Variants in PML observed in about 807,000 individuals in gnomAD.
PML encodes PML nuclear body scaffold.
In PML, 28 loss-of-function variants were observed where a neutral mutation model predicts 65.2. That is an observed-to-expected ratio of 0.43 (90% CI 0.32 to 0.59). The LOEUF (loss-of-function observed/expected upper bound fraction) is 0.59, where lower values mean the gene tolerates loss of function less well. Ranked by LOEUF, PML falls within the 20% of genes least tolerant of loss-of-function variation. The pLI is 0.08. For synonymous variants in PML, 500 were observed against 508.8 expected, an observed-to-expected ratio of 0.98 and a Z score of 0.23; for missense variants, 1,021 against 1,203.4, an observed-to-expected ratio of 0.85 and a Z score of 2.24.
chr15:74,008,547 G>A (rs2070171402), intron 2 of PML, among the ~76,000 whole-genome samples: 2 of 151,994 alleles, frequency 1.3e-5, no homozygotes, highest in South Asian at 4.1e-4. Context: ...GACCATCCTG[G>A]CTAACATGGT....
chr15:74,024,497 A>T (rs2070987490), intron 3 of PML, among the ~76,000 whole-genome samples: 1 of 152,222 alleles, frequency 6.6e-6, no homozygotes, highest in Admixed American at 6.5e-5. Context: ...GATAAGGAAG[A>T]TCATGGAGCT....
intron 5 of PML, 109 bp downstream of exon 5, chr15:74,032,824 T>G (rs893831207): frequency 1.1e-5 from 13 of 1,204,254 alleles, no homozygotes; most frequent in Non-Finnish European, 1.5e-5. Context: ...CAGCTCTTTG[T>G]GGGAAAGTGT....
chr15:74,044,127 A>T, intron 8 of PML, 94 bp from the exon 9 acceptor site: 1 of 1,230,308 alleles, frequency 8.1e-7, no homozygotes, highest in Non-Finnish European at 1.2e-6. Flanking sequence ...TGAGGTCTCT[A>T]GATGGTGAGT....
rs544227638 is a variant in PML, at chr15:74,021,958, A to C, written c.603-870A>C. Reference sequence around the variant, plus strand: ...TCAAAGTAATTATATGACTTGATTTATTTCTTTCTTTTTTTTGAGACGGAG... The same window carrying C: ...TCAAAGTAATTATATGACTTGATTTCTTTCTTTCTTTTTTTTGAGACGGAG... On this transcript the variant is annotated intron_variant, in intron 2 of 8. Coordinates refer to ENST00000268058, the MANE Select transcript of PML (RefSeq NM_033238.3). Among the ~76,000 whole-genome samples, 16 of 152,226 alleles carry C rather than the reference A, an allele frequency of 1.1e-4. No individual in the cohort carries two copies. The South Asian group carries it at 1.5e-3, about 14-fold the overall frequency.
chr15:74,027,592 G>A (rs1052697949), intron 4 of PML: 1 of 152,178 alleles, frequency 6.6e-6, no homozygotes, highest in Admixed American at 6.5e-5. Flanking sequence ...TAATAATAGG[G>A]AAATGCCCTT....
chr15:73,999,825 T>C (rs1392184290), intron 2 of PML, among the ~76,000 whole-genome samples: 2 of 150,828 alleles, frequency 1.3e-5, no homozygotes, highest in Non-Finnish European at 1.5e-5. Context: ...ATTTAAAAAA[T>C]TTTTTTTAAT....
chr15:74,036,961 A>G (rs1423700141), intron 7 of PML: 1 of 984,542 alleles, frequency 1.0e-6, no homozygotes, highest in Non-Finnish European at 1.2e-6. Context: ...AGCCCCGCGC[A>G]CTCCCCATTT....
At chr15:74,021,526 G>A (rs906048105) in intron 2 of PML, among the ~76,000 whole-genome samples, 1 of 151,932 alleles carries the variant, frequency 6.6e-6, no homozygotes, top group African/African-American at 2.4e-5. Context: ...CAGAGGTTGC[G>A]GTAAGCTGAG....
At chr15:74,038,438 G>A (rs1248882700) in intron 7 of PML, among the ~76,000 whole-genome samples, 1 of 152,108 alleles carries the variant, frequency 6.6e-6, no homozygotes, top group Non-Finnish European at 1.5e-5. Context: ...CTAGAGACGT[G>A]GGGAGAGAGC....
At chr15:73,997,786 A>T (rs1223642019) in intron 1 of PML, among the ~76,000 whole-genome samples, 1 of 152,232 alleles carries the variant, frequency 6.6e-6, no homozygotes, top group Non-Finnish European at 1.5e-5. Flanking sequence ...ACTGTGGGTG[A>T]TGAGAAGTAG....
Position 74,022,813 on chromosome 15 carries a change from C to T in PML, c.603-15C>T. ...CAGGAGAGTCCTAACCCAGGCCAAC[C>T]TTGTGTGTCCACAGCATCTACTGCC... On this transcript the variant is annotated splice_polypyrimidine_tract_variant and intron_variant, in intron 2 of 8. Coordinates refer to ENST00000268058, the MANE Select transcript of PML (RefSeq NM_033238.3). The T allele has an allele frequency of 6.2e-7, 1 of 1,612,234 alleles. No individual in the cohort carries two copies.
chr15:74,020,867 A>G (rs2070806796), intron 2 of PML, among the ~76,000 whole-genome samples: 2 of 152,054 alleles, frequency 1.3e-5, no homozygotes, highest in Non-Finnish European at 2.9e-5. Flanking sequence ...TCATCACATC[A>G]CATCTCCTCT....
At chr15:74,033,517 G>T (rs771096179) in intron 6 of PML, 103 bp downstream of exon 6, 1 of 1,258,366 alleles carries the variant, frequency 7.9e-7, no homozygotes, top group Non-Finnish European at 1.1e-6. Context: ...AAAGCCAACA[G>T]GAGTCCCTTA....
chr15:74,030,641 ACT>A (rs1314605917), intron 4 of PML, among the ~76,000 whole-genome samples: 2 of 143,618 alleles, frequency 1.4e-5, no homozygotes, highest in Non-Finnish European at 3.1e-5. Context: ...ACAGAGCAAG[ACT>A]CTGTCTCAAA....
intron 4 of PML, 57 bp downstream of exon 4, chr15:74,024,984 T>A: frequency 8.8e-7 from 1 of 1,134,268 alleles, no homozygotes; most frequent in Non-Finnish European, 1.3e-6. Context: ...GTCAGGCAGG[T>A]TGTGAGTCCT....
In PML at chr15:74,044,970, G is replaced by A; in HGVS notation, c.2611G>A (p.Gly871Ser). ...RAEGVSTPLA[G>S]RGLAERASQQ... Reference sequence around the variant, plus strand: ...AGAAGGAGTCTCCACCCCACTTGCTGGCCGTGGCTTGGCAGAGAGGGCCTC... The same window carrying A: ...AGAAGGAGTCTCCACCCCACTTGCTAGCCGTGGCTTGGCAGAGAGGGCCTC... Residue 871 changes from glycine to serine, a missense_variant, in exon 9 of 9, where the codon GGC becomes AGC. Coordinates refer to ENST00000268058, the MANE Select transcript of PML (RefSeq NM_033238.3). The A allele has an allele frequency of 6.2e-7, 1 of 1,609,838 alleles. No homozygotes were observed. Among genetic ancestry groups the A allele is most frequent in the Non-Finnish European group, 8.5e-7 (1 of 1,178,706 alleles).
chr15:74,024,177 C>T (rs1193427206), intron 3 of PML, among the ~76,000 whole-genome samples: 1 of 152,140 alleles, frequency 6.6e-6, no homozygotes, highest in Non-Finnish European at 1.5e-5. Context: ...GAGCTCTGAG[C>T]AGCTAGTATA....
Position 74,043,833 on chromosome 15 carries a change from T to C in PML, c.1862-388T>C. 1.9e-6 allele frequency: 1 copy of C among 525,734 alleles called. No homozygotes were observed. The highest frequency in any genetic ancestry group is 1.5e-5 in the South Asian group (1 of 68,438). 32.6% of individuals were successfully genotyped at this position (525,734 alleles called of 1,614,324 possible). A position where few individuals can be genotyped will look rare whatever the true frequency, so the allele number is the denominator to read the frequency against. ...AGGGCTCTGACTGGGCTGGGGTCCT[T>C]GAGGGGATTGGAGGAAGGAGCATGG... is the stretch of plus-strand genomic sequence containing the variant. On this transcript the variant is annotated intron_variant, in intron 8 of 8. Transcript: ENST00000268058. The surrounding 1 kb of genome is among the most constrained non-coding windows in gnomAD (Gnocchi z 4.3).
At chr15:74,024,419 A>G (rs936599579) in intron 3 of PML, among the ~76,000 whole-genome samples, 15 of 152,222 alleles carry the variant, frequency 9.9e-5, no homozygotes, top group African/African-American at 2.9e-4. Flanking sequence ...TAACTGGGCA[A>G]TAGCAGAGAG....
Sources: allele counts gnomAD v4.1 joint callset (sites outside exome capture counted in the v4.1 genomes callset), GRCh38; gene constraint gnomAD v4.1.1; non-coding constraint Gnocchi (gnomAD v3.1); transcripts MANE v1.5; gene names NCBI Gene and HGNC (gene_info 2026-07-23, HGNC 2026-07-21).